PDE4D: variants seen among roughly 807,000 people sequenced by gnomAD.
PDE4D encodes phosphodiesterase 4D, also known as 3',5'-cyclic-AMP phosphodiesterase 4D.
A neutral mutation model predicts 87.4 loss-of-function variants in PDE4D; 24 were observed. The observed-to-expected ratio is 0.27, with a 90% CI of 0.20 to 0.39. The LOEUF (loss-of-function observed/expected upper bound fraction) is 0.39, where lower values mean the gene tolerates loss of function less well. Ranked by LOEUF, PDE4D falls within the 10% of genes least tolerant of loss-of-function variation. PDE4D has a pLI of 1.00. For missense variants in PDE4D, 714 were observed against 1,041.0 expected (o/e 0.69, Z 4.32); for synonymous variants, 384 against 383.2 (o/e 1.00, Z -0.02).
At chr5:59,628,308 G>A (rs1354524010) in intron 1 of PDE4D, among the ~76,000 whole-genome samples, 2 of 152,126 alleles carry the variant, frequency 1.3e-5, no homozygotes, top group South Asian at 2.1e-4. Context: ...AGGCAGCACC[G>A]GGTCTGAACT....
At chr5:59,740,221 G>A (rs1758639449) in intron 1 of PDE4D, among the ~76,000 whole-genome samples, 1 of 152,066 alleles carries the variant, frequency 6.6e-6, no homozygotes, top group African/African-American at 2.4e-5. Context: ...TTAACAGTCT[G>A]GACTTTCTAA....
intron 5 of PDE4D, among the ~76,000 whole-genome samples, chr5:59,133,627 C>T (rs755773568): frequency 3.3e-5 from 5 of 152,160 alleles, no homozygotes; most frequent in Non-Finnish European, 7.3e-5. Context: ...TCAGCTCTGC[C>T]CACCCTACCC....
intron 1 of PDE4D, among the ~76,000 whole-genome samples, chr5:60,347,238 G>T (rs1316474651): frequency 1.3e-5 from 2 of 152,088 alleles, no homozygotes; most frequent in Non-Finnish European, 2.9e-5. Context: ...CAAGTGCAAA[G>T]GCCCCAAGCA....
At chr5:59,229,340 A>AT (rs1754615342) in intron 1 of PDE4D, among the ~76,000 whole-genome samples, 1 of 152,164 alleles carries the variant, frequency 6.6e-6, no homozygotes, top group Non-Finnish European at 1.5e-5. Context: ...CTTCATAACT[A>AT]TTTTTTAATT....
intron 1 of PDE4D, among the ~76,000 whole-genome samples, chr5:59,668,334 A>G (rs1407756874): frequency 6.6e-6 from 1 of 152,220 alleles, no homozygotes; most frequent in African/African-American, 2.4e-5. Flanking sequence ...TTACTGTTAC[A>G]TATTCACCAC....
At chr5:59,832,498 C>A (rs937479918) in intron 1 of PDE4D, among the ~76,000 whole-genome samples, 2 of 152,080 alleles carry the variant, frequency 1.3e-5, no homozygotes, top group Admixed American at 6.6e-5. Context: ...ACTGCCTAAA[C>A]CAGCAATGGC....
chr5:59,098,929 GGGA>G (rs529969036), intron 5 of PDE4D, among the ~76,000 whole-genome samples: 445 of 152,140 alleles, frequency 2.9e-3, no homozygotes, highest in Non-Finnish European at 4.8e-3. Flanking sequence ...CTACACAAAC[GGGA>G]GGAGGAGTAA....
intron 2 of PDE4D, among the ~76,000 whole-genome samples, chr5:60,067,864 T>C (rs933906168): frequency 2.0e-5 from 3 of 152,198 alleles, no homozygotes; most frequent in Non-Finnish European, 4.4e-5. Context: ...CACAATGTCT[T>C]TAAGTTTCAT....
chr5:59,981,735 T>C (rs1332180899), intron 3 of PDE4D, among the ~76,000 whole-genome samples: 1 of 152,180 alleles, frequency 6.6e-6, no homozygotes, highest in Non-Finnish European at 1.5e-5. Flanking sequence ...TCTCTAGCTT[T>C]ATAAACACCC....
At chr5:59,943,258 C>T (rs1287799515) in intron 3 of PDE4D, among the ~76,000 whole-genome samples, 1 of 151,464 alleles carries the variant, frequency 6.6e-6, no homozygotes, top group Non-Finnish European at 1.5e-5. Flanking sequence ...GTGATTAGTC[C>T]CAGGTGAAGA....
At chr5:60,351,781 TTTTATTTATTTATTTA>T (rs144196649) in intron 1 of PDE4D, among the ~76,000 whole-genome samples, 9,587 of 147,176 alleles carry the variant, frequency 0.065, 1,019 homozygotes, top group African/African-American at 0.23. Context: ...CACCTAATTA[TTTTATTTATTTATTTA>T]TTTATTTATT....
chr5:59,759,585 C>T (rs1761720328), intron 1 of PDE4D, among the ~76,000 whole-genome samples: 1 of 152,182 alleles, frequency 6.6e-6, no homozygotes. Flanking sequence ...AAATCTTCCT[C>T]AGGTCTTTTG....
intron 2 of PDE4D, among the ~76,000 whole-genome samples, chr5:60,036,672 T>A (rs538402611): frequency 4.6e-5 from 7 of 152,326 alleles, no homozygotes; most frequent in South Asian, 4.1e-4. Context: ...GCCCTGACAC[T>A]GAAGTCAATG....
intron 5 of PDE4D, among the ~76,000 whole-genome samples, chr5:59,105,055 A>G (rs1456790300): frequency 6.6e-6 from 1 of 152,184 alleles, no homozygotes; most frequent in Non-Finnish European, 1.5e-5. Context: ...TATCCAAATC[A>G]CCATCCCTCA....
intron 1 of PDE4D, among the ~76,000 whole-genome samples, chr5:59,748,170 G>T (rs1759897895): frequency 6.6e-6 from 1 of 152,180 alleles, no homozygotes. Flanking sequence ...GTGAGCAGAA[G>T]AATATGGCAG....
At chr5:60,468,734 C>G (rs934863325) in intron 1 of PDE4D, among the ~76,000 whole-genome samples, 1 of 151,964 alleles carries the variant, frequency 6.6e-6, no homozygotes, top group Non-Finnish European at 1.5e-5. Context: ...CTATGTTGCC[C>G]AGGCTGATCT....
intron 1 of PDE4D, among the ~76,000 whole-genome samples, chr5:60,500,525 A>G (rs1750022460): frequency 1.3e-5 from 2 of 152,234 alleles, no homozygotes; most frequent in South Asian, 2.1e-4. Flanking sequence ...AGTAATTTAT[A>G]TTCATCAGTA....
At chr5:59,572,760 G>A (rs202041002) in intron 1 of PDE4D, among the ~76,000 whole-genome samples, 5 of 152,266 alleles carry the variant, frequency 3.3e-5, no homozygotes, top group Admixed American at 3.3e-4. Flanking sequence ...GATTACAGGC[G>A]TGAGCCACCA....
intron 1 of PDE4D, among the ~76,000 whole-genome samples, chr5:59,459,593 G>C (rs1208504025): frequency 1.3e-5 from 2 of 152,212 alleles, no homozygotes; most frequent in African/African-American, 4.8e-5. Context: ...TGTTTGGTCA[G>C]ATGATCCTAT....
Sources: allele counts gnomAD v4.1 joint callset (sites outside exome capture counted in the v4.1 genomes callset), GRCh38; gene constraint gnomAD v4.1.1; transcripts MANE v1.5; gene names NCBI Gene and HGNC (gene_info 2026-07-23, HGNC 2026-07-21).